ADAMTS6: variants seen among roughly 807,000 people sequenced by gnomAD.
The protein encoded by ADAMTS6 is ADAM metallopeptidase with thrombospondin type 1 motif 6.
Under a neutral mutation model 144.3 loss-of-function variants are expected in ADAMTS6, and 23 were observed. That is an observed-to-expected ratio of 0.16 (90% confidence interval 0.11 to 0.23). ADAMTS6 has a LOEUF of 0.23. ADAMTS6 is among the 10% of genes least tolerant of loss of function. The pLI is 1.00. For synonymous variants in ADAMTS6, 444 were observed against 457.5 expected (o/e 0.97, Z 0.38); for missense variants, 999 against 1,379.6 (o/e 0.72, Z 4.37).
chr5:65,262,753 C>A lies in ADAMTS6; in HGVS notation c.1766+64G>T, dbSNP rs1340923124. 3.5e-6 allele frequency: 5 copies of A among 1,438,414 alleles called. No homozygotes were observed. The African/African-American group carries it at 7.3e-5, about 21-fold the overall frequency. The allele number at this position is 1,438,414 out of a possible 1,614,324, so 89.1% of individuals were successfully genotyped here. ...ACGTTTTTACAGATAACATGTGAAACCACAGCTTTGAATCATTTCCAACTG... is the reference window on the plus strand; with the variant it reads ...ACGTTTTTACAGATAACATGTGAAAACACAGCTTTGAATCATTTCCAACTG... On this transcript the variant is annotated intron_variant, in intron 13 of 24. Coordinates refer to ENST00000381055, the MANE Select transcript of ADAMTS6 (RefSeq NM_197941.4).
intron 9 of ADAMTS6, among the ~76,000 whole-genome samples, chr5:65,303,605 T>C (rs972695545): frequency 3.3e-5 from 5 of 151,876 alleles, no homozygotes; most frequent in African/African-American, 1.2e-4. Flanking sequence ...GTTTTTGCTG[T>C]AGAGATATAT....
intron 3 of ADAMTS6, among the ~76,000 whole-genome samples, chr5:65,465,403 T>G (rs779451743): frequency 8.5e-5 from 13 of 152,178 alleles, no homozygotes; most frequent in Non-Finnish European, 1.6e-4. Context: ...TGGAAAATTC[T>G]ATCCTTTCTC....
intron 7 of ADAMTS6, among the ~76,000 whole-genome samples, chr5:65,370,481 G>A (rs1014719520): frequency 3.9e-5 from 6 of 152,192 alleles, no homozygotes; most frequent in African/African-American, 1.4e-4. Flanking sequence ...AGGGGTCAGG[G>A]AGTTCCCTTT....
At chr5:65,317,422 T>TTA (rs1561415474) in intron 9 of ADAMTS6, among the ~76,000 whole-genome samples, 1 of 152,162 alleles carries the variant, frequency 6.6e-6, no homozygotes, top group Non-Finnish European at 1.5e-5. Flanking sequence ...ATTAAACACT[T>TTA]AATTAAACCT....
chr5:65,267,530 G>A (rs927754088), intron 12 of ADAMTS6, among the ~76,000 whole-genome samples: 41 of 152,036 alleles, frequency 2.7e-4, no homozygotes, highest in Non-Finnish European at 2.9e-4. Context: ...GGCTTTAAGA[G>A]CCTTCTTTAG....
At chr5:65,475,115 GA>G (rs1309760442) in intron 1 of ADAMTS6, among the ~76,000 whole-genome samples, 1 of 151,888 alleles carries the variant, frequency 6.6e-6, no homozygotes, top group Non-Finnish European at 1.5e-5. Flanking sequence ...TTTGTTGGTT[GA>G]AAAAAATGGA....
chr5:65,319,744 G>GGAAGGGAGGGAGGGAAA (rs1745398071), intron 9 of ADAMTS6, among the ~76,000 whole-genome samples: 1 of 41,552 alleles, frequency 2.4e-5, no homozygotes, highest in Non-Finnish European at 5.0e-5. Context: ...AGGGAGGGAA[G>GGAAGGGAGGGAGGGAAA]GAAGGAAGGA....
chr5:65,394,385 G>C (rs907911489), intron 7 of ADAMTS6, among the ~76,000 whole-genome samples: 19 of 152,170 alleles, frequency 1.2e-4, no homozygotes, highest in African/African-American at 3.4e-4. Context: ...CTGCATTAGA[G>C]ACCTAGCCAG....
chr5:65,415,704 C>T, intron 7 of ADAMTS6: 1 of 229,840 alleles, frequency 4.4e-6, no homozygotes. Context: ...CTGGCCAGAA[C>T]ACCAGGTTCA....
At chr5:65,295,698 A>G (rs985130247) in intron 10 of ADAMTS6, among the ~76,000 whole-genome samples, 1 of 152,062 alleles carries the variant, frequency 6.6e-6, no homozygotes, top group African/African-American at 2.4e-5. Context: ...CAACACAGAT[A>G]ATTATTGAAT....
In ADAMTS6 at chr5:65,444,001, T is replaced by C. The variant is rs1415599432; in HGVS notation, c.1073+7474A>G. Among the ~76,000 whole-genome samples the C allele has an allele frequency of 2.0e-5, 3 of 152,106 alleles. No individual in the cohort carries two copies. In the East Asian group the frequency reaches 5.8e-4, roughly 29 times the overall value. Reference sequence around the variant, plus strand: ...TCCAATAAGGCAAAAAATAAATAAATAAACAAATAAAAGTCATTCATTATT... The same window carrying C: ...TCCAATAAGGCAAAAAATAAATAAACAAACAAATAAAAGTCATTCATTATT... On this transcript the variant is annotated intron_variant, in intron 7 of 24. Coordinates refer to ENST00000381055, the MANE Select transcript of ADAMTS6 (RefSeq NM_197941.4).
chr5:65,204,794 T>C (rs1185696502), intron 20 of ADAMTS6, among the ~76,000 whole-genome samples: 2 of 152,216 alleles, frequency 1.3e-5, no homozygotes, highest in Admixed American at 1.3e-4. Flanking sequence ...GTTTGATATA[T>C]ACAGGACTCA....
At chr5:65,357,162 T>C (rs533274552) in intron 7 of ADAMTS6, among the ~76,000 whole-genome samples, 13 of 151,468 alleles carry the variant, frequency 8.6e-5, no homozygotes, top group Non-Finnish European at 1.5e-4. Context: ...TAGAAAAAAA[T>C]TGGAAAATTC....
intron 20 of ADAMTS6, among the ~76,000 whole-genome samples, chr5:65,203,050 G>T (rs1377810113): frequency 6.6e-6 from 1 of 152,062 alleles, no homozygotes; most frequent in Non-Finnish European, 1.5e-5. Flanking sequence ...ATTCTACAGA[G>T]TAAGTCTAGA....
intron 14 of ADAMTS6, among the ~76,000 whole-genome samples, chr5:65,245,175 T>C (rs1295022789): frequency 6.6e-6 from 1 of 152,158 alleles, no homozygotes; most frequent in African/African-American, 2.4e-5. Context: ...CAGGTGTCCT[T>C]ACACTCATTC....
chr5:65,397,528 A>G (rs1753446763), intron 7 of ADAMTS6, among the ~76,000 whole-genome samples: 1 of 151,964 alleles, frequency 6.6e-6, no homozygotes, highest in Non-Finnish European at 1.5e-5. Flanking sequence ...ATTTAGTTCA[A>G]AGTATTTTTA....
intron 10 of ADAMTS6, among the ~76,000 whole-genome samples, chr5:65,296,424 A>G (rs1282580731): frequency 2.6e-5 from 4 of 152,176 alleles, no homozygotes; most frequent in Non-Finnish European, 4.4e-5. Context: ...CTGTATTGAG[A>G]ATGGTTTACC....
At chr5:65,457,650 CAT>C (rs951276791) in intron 4 of ADAMTS6, among the ~76,000 whole-genome samples, 1 of 150,990 alleles carries the variant, frequency 6.6e-6, no homozygotes, top group Non-Finnish European at 1.5e-5. Context: ...TCTTTACAAT[CAT>C]AGAGTGAAGG....
At chr5:65,451,909 T>C (rs1758770138) in intron 6 of ADAMTS6, among the ~76,000 whole-genome samples, 2 of 152,330 alleles carry the variant, frequency 1.3e-5, no homozygotes, top group East Asian at 3.9e-4. Context: ...TGTTCACCCT[T>C]ATACTGAAAC....
Sources: gnomAD v4.1 joint callset for allele counts (sites outside exome capture counted in the v4.1 genomes callset) on GRCh38, gnomAD v4.1.1 for gene constraint, MANE v1.5 for transcripts, NCBI Gene and HGNC (gene_info 2026-07-23, HGNC 2026-07-21) for gene names.